Variants in NCALD observed in about 807,000 individuals in gnomAD.
NCALD encodes neurocalcin delta.
Under a neutral mutation model 18.6 loss-of-function variants are expected in NCALD, and 10 were observed. That is an observed-to-expected ratio of 0.54 (90% confidence interval 0.33 to 0.91). The LOEUF (loss-of-function observed/expected upper bound fraction) is 0.91, where lower values mean the gene tolerates loss of function less well. NCALD is among the 40% of genes least tolerant of loss of function. The pLI is 0.03. For missense variants in NCALD, 184 were observed against 247.6 expected (o/e 0.74, Z 1.72); for synonymous variants, 88 against 87.4 (o/e 1.01, Z -0.04).
chr8:101,753,993 C>T (rs59752683), intron 1 of NCALD, among the ~76,000 whole-genome samples: 25 of 152,148 alleles, frequency 1.6e-4, no homozygotes, highest in African/African-American at 4.8e-5. Flanking sequence ...CCAGACAATG[C>T]CCCAACCACT....
chr8:102,081,199 A>G (rs940687344), intron 1 of NCALD, among the ~76,000 whole-genome samples: 8 of 152,198 alleles, frequency 5.3e-5, no homozygotes, highest in African/African-American at 9.7e-5. Flanking sequence ...GAAAAACAAA[A>G]ACGAAAAGAA....
intron 1 of NCALD, among the ~76,000 whole-genome samples, chr8:102,108,230 T>C (rs762039445): frequency 6.6e-6 from 1 of 152,162 alleles, no homozygotes; most frequent in Non-Finnish European, 1.5e-5. Flanking sequence ...ACAGCACAGT[T>C]TGGCATACAC....
chr8:102,027,078 C>A (rs1822485502), intron 1 of NCALD, among the ~76,000 whole-genome samples: 1 of 152,206 alleles, frequency 6.6e-6, no homozygotes, highest in African/African-American at 2.4e-5. Flanking sequence ...GCCCACAAAA[C>A]CATTTTTCCC....
intron 4 of NCALD, among the ~76,000 whole-genome samples, chr8:101,829,974 GTTTTTTT>G (rs35295834): frequency 2.6e-5 from 3 of 116,144 alleles, no homozygotes; most frequent in Admixed American, 9.0e-5. Context: ...AGTCACATGG[GTTTTTTT>G]TTTTTTTTTT....
At chr8:101,816,688 A>T (rs1813510129) in intron 4 of NCALD, among the ~76,000 whole-genome samples, 1 of 152,288 alleles carries the variant, frequency 6.6e-6, no homozygotes, top group South Asian at 2.1e-4. Flanking sequence ...TAAGAAGCAG[A>T]GGTAAAATGT....
At chr8:101,844,297 G>C (rs1427340179) in intron 4 of NCALD, among the ~76,000 whole-genome samples, 1 of 152,130 alleles carries the variant, frequency 6.6e-6, no homozygotes, top group African/African-American at 2.4e-5. Flanking sequence ...CAATGAAAGA[G>C]GTTGGGAATG....
intron 4 of NCALD, among the ~76,000 whole-genome samples, chr8:101,850,504 C>G (rs1815049089): frequency 6.6e-6 from 1 of 152,122 alleles, no homozygotes; most frequent in South Asian, 2.1e-4. Context: ...TGCAAGTCTA[C>G]CCAGGAAAGA....
At chr8:102,081,564 AAAAAAAAAAAAACC>A (rs1824533667) in intron 1 of NCALD, among the ~76,000 whole-genome samples, 1 of 113,720 alleles carries the variant, frequency 8.8e-6, no homozygotes, top group African/African-American at 4.4e-5. Context: ...AAAAAAAAAA[AAAAAAAAAAAAACC>A]CCAAAAAAAA....
intron 2 of NCALD, among the ~76,000 whole-genome samples, chr8:101,999,151 T>C (rs1563525149): frequency 6.6e-6 from 1 of 150,560 alleles, no homozygotes; most frequent in African/African-American, 2.4e-5. Context: ...CCATGGATGC[T>C]TGAATAATAT....
chr8:102,061,849 C>G (rs557970193), intron 1 of NCALD, among the ~76,000 whole-genome samples: 6 of 152,266 alleles, frequency 3.9e-5, no homozygotes, highest in African/African-American at 1.4e-4. Context: ...TTATGGAACC[C>G]AGTCAAAACT....
At chr8:102,036,470 A>C in intron 1 of NCALD, among the ~76,000 whole-genome samples, 1 of 151,940 alleles carries the variant, frequency 6.6e-6, no homozygotes, top group East Asian at 1.9e-4. Context: ...AATCAAAGAA[A>C]TGCCAATCAA....
At chr8:101,769,655 C>T (rs904585348) in intron 1 of NCALD, among the ~76,000 whole-genome samples, 10 of 151,256 alleles carry the variant, frequency 6.6e-5, no homozygotes, top group African/African-American at 1.7e-4. Flanking sequence ...GAGACACTGG[C>T]GAACATTTCC....
chr8:101,751,156 G>A (rs1316306756), intron 1 of NCALD, among the ~76,000 whole-genome samples: 1 of 152,150 alleles, frequency 6.6e-6, no homozygotes, highest in African/African-American at 2.4e-5. Context: ...ATACTATCCA[G>A]CCTTAAAAAA....
chr8:101,933,819 A>G (rs2131718084), intron 2 of NCALD, among the ~76,000 whole-genome samples: 1 of 152,294 alleles, frequency 6.6e-6, no homozygotes, highest in African/African-American at 2.4e-5. Flanking sequence ...TGCAGGAATA[A>G]TCTGGAGTTC....
chr8:101,952,143 G>C lies in NCALD; in HGVS notation c.-156-36285C>G, dbSNP rs1000628373. 5.3e-5 allele frequency among the ~76,000 whole-genome samples: 8 copies of C among 152,152 alleles called. 1 individual carries two copies. Among genetic ancestry groups the C allele is most frequent in the Admixed American group, 6.5e-5 (1 of 15,278 alleles). On this transcript the variant is annotated intron_variant, in intron 2 of 6. Coordinates refer to the NCALD transcript ENST00000311028. The stretch of plus-strand genomic sequence containing the variant: ...TGGGAACCGACTGCTGAGTGTATCT[G>C]GGAGGAAGCCCCAGAGAGCTGCCCT...
rs544360364 is a variant in NCALD at position 101,924,288 on chromosome 8, C to A, written c.-156-8430G>T. 2.6e-5 allele frequency among the ~76,000 whole-genome samples: 4 copies of A among 152,304 alleles called. No homozygotes were observed. In the South Asian group the frequency reaches 8.3e-4, roughly 32 times the overall value. On this transcript the variant is annotated intron_variant, in intron 2 of 6. Transcript: ENST00000311028. ...CAGTCAGCCATATCATCCATTCACGCTAATGGTGAATGAAATGGTTTCTGG... is the reference window on the plus strand; with the variant it reads ...CAGTCAGCCATATCATCCATTCACGATAATGGTGAATGAAATGGTTTCTGG...
At chr8:101,963,958 T>C (rs994688277) in intron 2 of NCALD, among the ~76,000 whole-genome samples, 1 of 152,202 alleles carries the variant, frequency 6.6e-6, no homozygotes, top group Admixed American at 6.5e-5. Flanking sequence ...CAGCCTCTTA[T>C]ACTTAATGGA....
At chr8:101,785,970 GTTGT>G (rs1272795306) in intron 1 of NCALD, 1 of 152,200 alleles carries the variant, frequency 6.6e-6, no homozygotes, top group Non-Finnish European at 1.5e-5. Context: ...TGGTTCCCAG[GTTGT>G]TTGTCTGTTT....
intron 1 of NCALD, among the ~76,000 whole-genome samples, chr8:101,770,591 A>G (rs1442387537): frequency 6.6e-6 from 1 of 152,188 alleles, no homozygotes; most frequent in Non-Finnish European, 1.5e-5. Context: ...AGGAAAAAAC[A>G]AAGTTAGAGC....
Sources: gnomAD v4.1 joint callset for allele counts (sites outside exome capture counted in the v4.1 genomes callset) on GRCh38, gnomAD v4.1.1 for gene constraint, MANE v1.5 for transcripts, NCBI Gene and HGNC (gene_info 2026-07-23, HGNC 2026-07-21) for gene names.